CELSR1: variants seen among roughly 807,000 people sequenced by gnomAD.
The protein encoded by CELSR1 is adhesion G protein-coupled receptor C1.
A neutral mutation model predicts 249.1 loss-of-function variants in CELSR1; 110 were observed. The observed-to-expected ratio is 0.44, with a 90% CI of 0.38 to 0.52. The LOEUF is 0.52. CELSR1 is among the 20% of genes least tolerant of loss of function. The pLI, the probability that CELSR1 is intolerant of heterozygous loss-of-function variation, is 0.00. For synonymous variants in CELSR1, 2,113 were observed against 1,900.0 expected (o/e 1.11, Z -2.92); for missense variants, 4,109 against 4,296.4 (o/e 0.96, Z 1.22).
rs16995175 is a variant in CELSR1 at position 46,393,126 on chromosome 22, C to T, written c.5964+1016G>A. 5.3e-5 allele frequency among the ~76,000 whole-genome samples: 8 copies of T among 152,212 alleles called. No homozygotes were observed. Among genetic ancestry groups the T allele is most frequent in the African/African-American group, 9.6e-5 (4 of 41,512 alleles). The stretch of plus-strand genomic sequence containing the variant: ...TACCAGCTTCCCTCCTAGGGCCAGC[C>T]GCATCTGCAGGAAGCTCACGTCCCT... On this transcript the variant is annotated intron_variant, in intron 14 of 34. Transcript: ENST00000674500. The surrounding 1 kb of genome is among the most constrained non-coding windows in gnomAD (Gnocchi z 4.1).
intron 1 of CELSR1, among the ~76,000 whole-genome samples, chr22:46,483,325 G>A (rs893903501): frequency 1.3e-5 from 2 of 150,876 alleles, no homozygotes; most frequent in East Asian, 3.9e-4. Context: ...CTCACTGGGT[G>A]TCTAGGGCGC....
At chr22:46,460,209 A>ACACACACACCCCCC (rs1569179933) in intron 2 of CELSR1, among the ~76,000 whole-genome samples, 1 of 122,394 alleles carries the variant, frequency 8.2e-6, no homozygotes, top group African/African-American at 4.1e-5. Flanking sequence ...ACACACACAC[A>ACACACACACCCCCC]CACACACCCA....
rs755062924 is a variant in CELSR1, at chr22:46,386,486, G to A, written c.6655C>T (p.Arg2219Cys). 1.2e-5 allele frequency: 19 copies of A among 1,599,844 alleles called. No individual in the cohort carries two copies. Among genetic ancestry groups the A allele is most frequent in the South Asian group, 4.5e-5 (4 of 88,926 alleles). ...SEGGTAQLLRRLEGYFSNVAR... is the reference protein window; with the variant it reads ...SEGGTAQLLRCLEGYFSNVAR... ...ACGTTGCTGAAGTAGCCCTCGAGGC[G>A]CCGGAGCAGCTGTGCCGTGCCGCCC... is the stretch of plus-strand genomic sequence containing the variant. Residue 2219 changes from arginine to cysteine, a missense_variant, in exon 19 of 35, where the codon CGC (arginine) becomes TGC (cysteine). Arg to Cys is a radical substitution (Grantham distance 180). Coordinates refer to ENST00000674500, the MANE Select transcript of CELSR1 (RefSeq NM_001378328.1).
rs35315552 is a variant in CELSR1 at position 46,381,983 on chromosome 22, G to A, written c.6951C>T (p.Thr2317=). 0.014 allele frequency: 22,390 copies of A among 1,565,856 alleles called. 204 individuals carry two copies. The highest frequency in any genetic ancestry group is 0.026 in the Admixed American group (1,427 of 54,258). The part of the protein sequence containing the change: ...TPQTTRPGPG[T]EREAPISRRR... ...GCCTGCTGATCGGGGCCTCCCTCTC[G>A]GTGCCAGGCCCCGGGCGCGTGGTCT... Residue 2317 remains threonine (T), a synonymous_variant, in exon 21 of 35, where the codon ACC becomes ACT. Transcript: ENST00000674500. This position sits in a 1 kb window ranked among gnomAD's most constrained non-coding sequence, Gnocchi z 6.0.
rs548281981 is a variant in CELSR1, at chr22:46,430,679, G to C, written c.4611+2714C>G. ...GACCAGAGGTGACATTGGAGACAAAGTGGAGGCCCAGAGAGCAGAGGAACC... is the reference window on the plus strand; with the variant it reads ...GACCAGAGGTGACATTGGAGACAAACTGGAGGCCCAGAGAGCAGAGGAACC... On this transcript the variant is annotated intron_variant, in intron 5 of 34. Coordinates refer to ENST00000674500, the MANE Select transcript of CELSR1 (RefSeq NM_001378328.1). This position sits in a 1 kb window ranked among gnomAD's most constrained non-coding sequence, Gnocchi z 4.6. 1.1e-4 allele frequency among the ~76,000 whole-genome samples: 16 copies of C among 152,304 alleles called. No individual in the cohort carries two copies. The highest frequency in any genetic ancestry group is 4.6e-4 in the Admixed American group (7 of 15,298).
Position 46,481,406 on chromosome 22 carries a change from T to C in CELSR1, c.3545-17061A>G, listed in dbSNP as rs1602195855. ...AGGTGCATGTGGTCATCCACACACT[T>C]GGTCACACCACCTTCCAGCTTCTGC... On this transcript the variant is annotated intron_variant, in intron 1 of 34. Transcript: ENST00000674500. 6.1e-6 allele frequency: 8 copies of C among 1,309,788 alleles called. No individual in the cohort carries two copies. The East Asian group carries it at 6.9e-5, about 11-fold the overall frequency. The allele number at this position is 1,309,788 out of a possible 1,614,324, so 81.1% of individuals were successfully genotyped here.
chr22:46,411,425 T>C lies in CELSR1; in HGVS notation c.4769+177A>G, dbSNP rs957264621. Among the ~76,000 whole-genome samples, 13 of 152,164 alleles carry C rather than the reference T, an allele frequency of 8.5e-5. No individual in the cohort carries two copies. The highest frequency in any genetic ancestry group is 2.9e-4 in the African/African-American group (12 of 41,444). The stretch of plus-strand genomic sequence containing the variant: ...GACACATACTTAGGGAGACTTATTC[T>C]AGAAGGTCAGAGGGAAGGTGCCCCA... On this transcript the variant is annotated intron_variant, in intron 6 of 34. Coordinates refer to ENST00000674500, the MANE Select transcript of CELSR1 (RefSeq NM_001378328.1). This position sits in a 1 kb window ranked among gnomAD's most constrained non-coding sequence, Gnocchi z 4.2.
chr22:46,411,791 C>T lies in CELSR1; in HGVS notation c.4612-32G>A, dbSNP rs768106061. ...GAAGAGAAAGCACAGAAGGTGTCAG[C>T]GTTTTCTCCACCAGTGCCCTCAGCA... On this transcript the variant is annotated intron_variant, in intron 5 of 34. Transcript: ENST00000674500. This position sits in a 1 kb window ranked among gnomAD's most constrained non-coding sequence, Gnocchi z 4.2. 37 of 1,612,376 alleles carry T rather than the reference C, an allele frequency of 2.3e-5. No individual in the cohort carries two copies. The Admixed American group carries it at 4.8e-4, about 21-fold the overall frequency.
intron 1 of CELSR1, among the ~76,000 whole-genome samples, chr22:46,480,078 T>C (rs1256363078): frequency 1.3e-5 from 2 of 152,220 alleles, no homozygotes; most frequent in Non-Finnish European, 2.9e-5. Flanking sequence ...CAAATGCTCC[T>C]CTTCTACTGT....
At chr22:46,370,333 C>T (rs2078838193) in intron 25 of CELSR1, 1 of 348,138 alleles carries the variant, frequency 2.9e-6, no homozygotes, top group Non-Finnish European at 5.7e-6. Context: ...ACCCTATACA[C>T]ATGCATGCAG....
At chr22:46,498,291 CA>C (rs757698564) in intron 1 of CELSR1, among the ~76,000 whole-genome samples, 77 of 11,332 alleles carry the variant, frequency 6.8e-3, no homozygotes, top group East Asian at 0.029. Flanking sequence ...AACTCTGTCT[CA>C]AAAAAAAAAA....
In CELSR1 at chr22:46,512,899, C is replaced by A. The variant is rs914697464; in HGVS notation, c.3544+20728G>T. Among the ~76,000 whole-genome samples the A allele has an allele frequency of 6.6e-6, 1 of 152,236 alleles. No individual in the cohort carries two copies. Among genetic ancestry groups the A allele is most frequent in the Non-Finnish European group, 1.5e-5 (1 of 68,040 alleles). On this transcript the variant is annotated intron_variant, in intron 1 of 34. Transcript: ENST00000674500. This position sits in a 1 kb window ranked among gnomAD's most constrained non-coding sequence, Gnocchi z 5.2. ...CCTGGCTGTCCTCTGCTCCTGAGTG[C>A]TGCCCCGGGTGGCCCCGCATGGCAG...
In CELSR1 at chr22:46,527,452, C is replaced by T. The variant is rs910952009; in HGVS notation, c.3544+6175G>A. ...ACTCCCGGTCTCCCTGCCCATCACACACTGCACACGTCCAGGGGGGTAGAG... is the reference window on the plus strand; with the variant it reads ...ACTCCCGGTCTCCCTGCCCATCACATACTGCACACGTCCAGGGGGGTAGAG... On this transcript the variant is annotated intron_variant, in intron 1 of 34. Transcript: ENST00000674500. This position sits in a 1 kb window ranked among gnomAD's most constrained non-coding sequence, Gnocchi z 5.5. 5.9e-5 allele frequency among the ~76,000 whole-genome samples: 9 copies of T among 152,208 alleles called. No homozygotes were observed. The highest frequency in any genetic ancestry group is 1.0e-4 in the Non-Finnish European group (7 of 68,032).
rs139633948 is a variant in CELSR1, at chr22:46,391,743, C to T, written c.6038G>A (p.Arg2013His). ...CTGCCCGGTGGCCATGTCGCAAGTG[C>T]GGCTGTGGGAGCCATGGGGGAAGCA... ...CDCFPHGSHS[R>H]TCDMATGQCA... Residue 2013 changes from arginine (R) to histidine (H), a missense_variant, in exon 15 of 35, where the codon CGC becomes CAC. Around this residue, in one of 7 missense-constraint regions of CELSR1, gnomAD observed 1,805 missense variants for 1,831.6 expected, o/e 0.99. Coordinates refer to ENST00000674500, the MANE Select transcript of CELSR1 (RefSeq NM_001378328.1). This position sits in a 1 kb window ranked among gnomAD's most constrained non-coding sequence, Gnocchi z 4.3. 1.9e-6 allele frequency: 3 copies of T among 1,612,232 alleles called. No individual in the cohort carries two copies. Among genetic ancestry groups the T allele is most frequent in the East Asian group, 2.2e-5 (1 of 44,858 alleles).
At chr22:46,397,419 C>T (rs1295729160) in intron 12 of CELSR1, among the ~76,000 whole-genome samples, 1 of 151,808 alleles carries the variant, frequency 6.6e-6, no homozygotes, top group Non-Finnish European at 1.5e-5. Context: ...CTGCACCCGG[C>T]CTTACTTTTC....
chr22:46,525,217 AGCG>A (rs2080726928), intron 1 of CELSR1, among the ~76,000 whole-genome samples: 1 of 152,192 alleles, frequency 6.6e-6, no homozygotes, highest in African/African-American at 2.4e-5. Flanking sequence ...GGGAGGCCGA[AGCG>A]GGCAGATCAC....
intron 13 of CELSR1, among the ~76,000 whole-genome samples, chr22:46,394,781 G>A (rs1442612378): frequency 6.6e-6 from 1 of 152,198 alleles, no homozygotes; most frequent in African/African-American, 2.4e-5. Flanking sequence ...TAGGACGGCG[G>A]CATGCGCCCG....
chr22:46,397,815 C>T lies in CELSR1; in HGVS notation c.5560G>A (p.Ala1854Thr), dbSNP rs768054483. 39 of 1,590,288 alleles carry T rather than the reference C, an allele frequency of 2.5e-5. No individual in the cohort carries two copies. The highest frequency in any genetic ancestry group is 8.6e-5 in the Admixed American group (5 of 57,936). ...VRMGGTPTNV[A>T]TLNMNNALKV... ...AGTGCGTTGTTCATGTTCAGGGTGG[C>T]GACGTTGGTGGGCGTCCCCCCCATC... Residue 1854 changes from alanine (A) to threonine (T), a missense_variant, in exon 12 of 35, where the codon GCC becomes ACC. Coordinates refer to ENST00000674500, the MANE Select transcript of CELSR1 (RefSeq NM_001378328.1).
At position 46,411,468 on chromosome 22, in the gene CELSR1, T is replaced by C; in HGVS notation, c.4769+134A>G. The C allele has an allele frequency of 3.0e-6, 3 of 984,784 alleles. No homozygotes were observed. Among genetic ancestry groups the C allele is most frequent in the Non-Finnish European group, 4.4e-6 (3 of 679,232 alleles). The allele number at this position is 984,784 out of a possible 1,614,324, so 61.0% of individuals were successfully genotyped here. A position where few individuals can be genotyped will look rare whatever the true frequency, so the allele number is the denominator to read the frequency against. On this transcript the variant is annotated intron_variant, in intron 6 of 34. Transcript: ENST00000674500. The surrounding 1 kb of genome is among the most constrained non-coding windows in gnomAD (Gnocchi z 4.2). ...GTGCCCCAACCATGGACAGGATGTC[T>C]GACTCTAGCCTGGAATGAGGTCGCC... is the stretch of plus-strand genomic sequence containing the variant.
Sources: gnomAD v4.1 joint callset for allele counts (sites outside exome capture counted in the v4.1 genomes callset) on GRCh38, gnomAD v4.1.1 for gene constraint, gnomAD v4.1.1 regional missense constraint, Gnocchi (gnomAD v3.1) non-coding constraint, MANE v1.5 for transcripts, NCBI Gene and HGNC (gene_info 2026-07-23, HGNC 2026-07-21) for gene names.